Variants in CELF2 observed in about 807,000 individuals in gnomAD.
CELF2 encodes CUGBP Elav-like family member 2.
CELF2 carries 8 observed loss-of-function variants against 62.6 expected under a neutral mutation model. That is an observed-to-expected ratio of 0.13 (90% CI 0.07 to 0.23). The LOEUF (loss-of-function observed/expected upper bound fraction) is 0.23, where lower values mean the gene tolerates loss of function less well. Ranked by LOEUF, CELF2 falls within the 10% of genes least tolerant of loss-of-function variation. CELF2 has a pLI of 1.00. For synonymous variants in CELF2, 258 were observed against 250.0 expected, an observed-to-expected ratio of 1.03 and a Z score of -0.30; for missense variants, 333 against 671.0, an observed-to-expected ratio of 0.50 and a Z score of 5.56.
At chr10:11,154,500 G>A (rs940278706) in intron 1 of CELF2, among the ~76,000 whole-genome samples, 1 of 152,228 alleles carries the variant, frequency 6.6e-6, no homozygotes, top group South Asian at 2.1e-4. Flanking sequence ...GGATGAGGTG[G>A]CCTGCAGAGA....
the CELF2 span, among the ~76,000 whole-genome samples, chr10:10,501,453 GT>G: frequency 2.0e-5 from 3 of 151,682 alleles, no homozygotes; most frequent in Non-Finnish European, 4.4e-5. Context: ...ATTAGATTTT[GT>G]TTTTTTGTAT....
At chr10:11,095,188 C>G (rs1041813605) in intron 1 of CELF2, among the ~76,000 whole-genome samples, 5 of 152,178 alleles carry the variant, frequency 3.3e-5, no homozygotes, top group Non-Finnish European at 5.9e-5. Flanking sequence ...AGCGAAGTTT[C>G]TTCCTATGAT....
Position 11,151,745 on chromosome 10 carries a change from A to G in CELF2, c.75-13741A>G, listed in dbSNP as rs1211318580. ...CCTGGATGTTTACATCTTATGGTGA[A>G]TTGAGTCAAGAAAAAAAAAATAAGT... On this transcript the variant is annotated intron_variant, in intron 1 of 12. Transcript: ENST00000633077. 3.3e-5 allele frequency among the ~76,000 whole-genome samples: 5 copies of G among 152,248 alleles called. No homozygotes were observed. In the East Asian group the frequency reaches 9.6e-4, roughly 29 times the overall value.
At chr10:11,273,487 A>G (rs2084675071) in intron 7 of CELF2, among the ~76,000 whole-genome samples, 1 of 152,152 alleles carries the variant, frequency 6.6e-6, no homozygotes, top group Non-Finnish European at 1.5e-5. Context: ...TCTGGTGGGA[A>G]AATTGTCTTC....
At chr10:11,097,640 A>G (rs1395362875) in intron 1 of CELF2, among the ~76,000 whole-genome samples, 1 of 152,202 alleles carries the variant, frequency 6.6e-6, no homozygotes, top group African/African-American at 2.4e-5. Context: ...TACTTCTGAA[A>G]ACCAAGTTTT....
chr10:10,753,538 A>C, the CELF2 span, among the ~76,000 whole-genome samples: 1 of 152,080 alleles, frequency 6.6e-6, no homozygotes, highest in East Asian at 1.9e-4. Context: ...AAGTGAGCCC[A>C]CTCCCAGACC....
chr10:10,879,308 C>T (rs901791417), intron 1 of CELF2, among the ~76,000 whole-genome samples: 3 of 152,202 alleles, frequency 2.0e-5, no homozygotes, highest in Non-Finnish European at 4.4e-5. Flanking sequence ...GGACATTTCT[C>T]CAACATATAC....
chr10:11,086,759 G>A (rs774816747), intron 1 of CELF2, among the ~76,000 whole-genome samples: 19 of 152,128 alleles, frequency 1.2e-4, no homozygotes, highest in Non-Finnish European at 2.6e-4. Flanking sequence ...TCCTAATCAC[G>A]CACATAAAGA....
At chr10:10,515,139 C>G in the CELF2 span, among the ~76,000 whole-genome samples, 2 of 152,206 alleles carry the variant, frequency 1.3e-5, no homozygotes, top group South Asian at 4.1e-4. Context: ...ACAGAGGGTC[C>G]TGAGCAGGTG....
intron 1 of CELF2, among the ~76,000 whole-genome samples, chr10:11,144,914 A>G (rs72773963): frequency 1.3e-4 from 20 of 149,986 alleles, no homozygotes; most frequent in Non-Finnish European, 8.9e-5. Context: ...AAAAAAAAAA[A>G]AAAAAAAAAG....
rs376874895 is a variant in CELF2 at position 10,854,189 on chromosome 10, C to T, written c.53+55372C>T. ...CTCATGAGGACTCTGTGTCAACATG[C>T]GAATCGAACCTGGAATATGGAAGTG... On this transcript the variant is annotated intron_variant, in intron 1 of 13. Transcript: ENST00000636488. 6.6e-5 allele frequency among the ~76,000 whole-genome samples: 10 copies of T among 152,246 alleles called. 1 individual carries two copies. In the East Asian group the frequency reaches 1.4e-3, roughly 21 times the overall value.
At position 10,904,340 on chromosome 10, in the gene CELF2, C is replaced by T. The variant is rs938151361; in HGVS notation, c.54-15624C>T. Among the ~76,000 whole-genome samples, 8 of 152,158 alleles carry T rather than the reference C, an allele frequency of 5.3e-5. No homozygotes were observed. The South Asian group carries it at 1.0e-3, about 20-fold the overall frequency. On this transcript the variant is annotated intron_variant, in intron 1 of 13. Transcript: ENST00000636488. ...CTGCTGGGCTCAAGCGATCCTCCCA[C>T]GTCTACCTCCCAAGTAGCTGGGACT...
At chr10:10,927,446 T>G (rs2065633838) in intron 2 of CELF2, among the ~76,000 whole-genome samples, 1 of 152,040 alleles carries the variant, frequency 6.6e-6, no homozygotes, top group East Asian at 1.9e-4. Context: ...TTATTTTTTT[T>G]GAAATGGGTC....
At chr10:10,711,889 G>T in the CELF2 span, among the ~76,000 whole-genome samples, 1 of 152,008 alleles carries the variant, frequency 6.6e-6, no homozygotes, top group Non-Finnish European at 1.5e-5. Context: ...CTCATAAAAA[G>T]AAAGAAAACA....
At chr10:10,774,741 G>A in the CELF2 span, among the ~76,000 whole-genome samples, 2 of 152,192 alleles carry the variant, frequency 1.3e-5, no homozygotes, top group Non-Finnish European at 2.9e-5. Context: ...GGCAGTGTGA[G>A]AAGGAACTAA....
the CELF2 span, among the ~76,000 whole-genome samples, chr10:10,691,878 T>A: frequency 2.0e-5 from 3 of 149,726 alleles, no homozygotes; most frequent in East Asian, 6.0e-4. Flanking sequence ...TGTAAATTTG[T>A]TTGAGTTCAT....
At chr10:11,326,125 T>C in intron 12 of CELF2, 146 bp downstream of exon 12, 1 of 819,208 alleles carries the variant, frequency 1.2e-6, no homozygotes, top group South Asian at 2.0e-5. Flanking sequence ...GTAAGCAGAT[T>C]TGGGCAAAGA....
the CELF2 span, among the ~76,000 whole-genome samples, chr10:10,697,907 T>G: frequency 6.6e-6 from 1 of 152,142 alleles, no homozygotes; most frequent in Non-Finnish European, 1.5e-5. Context: ...ATTCTCCCAC[T>G]TCAGCCTCCT....
chr10:11,315,049 C>T lies in CELF2; in HGVS notation c.1096+791C>T, dbSNP rs752211438. 7.9e-5 allele frequency among the ~76,000 whole-genome samples: 12 copies of T among 152,146 alleles called. No homozygotes were observed. Among genetic ancestry groups the T allele is most frequent in the South Asian group, 2.1e-4 (1 of 4,816 alleles). On this transcript the variant is annotated intron_variant, in intron 10 of 12. Transcript: ENST00000633077. This position sits in a 1 kb window ranked among gnomAD's most constrained non-coding sequence, Gnocchi z 5.8. Reference sequence around the variant, plus strand: ...CAGGTTCTGTCCTCCACAGCCCACCCGCTCCTGTCATTCTCGGTTGATGGG... The same window carrying T: ...CAGGTTCTGTCCTCCACAGCCCACCTGCTCCTGTCATTCTCGGTTGATGGG...
Sources: allele counts gnomAD v4.1 joint callset (sites outside exome capture counted in the v4.1 genomes callset), GRCh38; gene constraint gnomAD v4.1.1; non-coding constraint Gnocchi (gnomAD v3.1); transcripts MANE v1.5; gene names NCBI Gene and HGNC (gene_info 2026-07-23, HGNC 2026-07-21).